Variants in RCAN2 observed in about 807,000 individuals in gnomAD.
RCAN2 encodes regulator of calcineurin 2.
RCAN2 carries 9 observed loss-of-function variants against 23.6 expected under a neutral mutation model. The observed-to-expected ratio is 0.38, with a 90% CI of 0.23 to 0.67. RCAN2 has a LOEUF of 0.67. RCAN2 is among the 30% of genes least tolerant of loss of function. RCAN2 has a pLI of 0.51. For synonymous variants in RCAN2, 109 were observed against 115.7 expected (o/e 0.94, Z 0.37); for missense variants, 273 against 302.3 (o/e 0.90, Z 0.72).
At chr6:46,379,290 G>C (rs1323771617) in intron 2 of RCAN2, among the ~76,000 whole-genome samples, 1 of 152,118 alleles carries the variant, frequency 6.6e-6, no homozygotes, top group Non-Finnish European at 1.5e-5. Context: ...TCACTCTGTG[G>C]ACATGAGATG....
chr6:46,240,843 CT>C (rs1218403362), intron 4 of RCAN2, among the ~76,000 whole-genome samples: 1 of 152,068 alleles, frequency 6.6e-6, no homozygotes, highest in African/African-American at 2.4e-5. Context: ...GCAAAATTGC[CT>C]TACTATGTCA....
intron 2 of RCAN2, among the ~76,000 whole-genome samples, chr6:46,378,199 A>G (rs1417714001): frequency 6.6e-6 from 1 of 152,198 alleles, no homozygotes; most frequent in African/African-American, 2.4e-5. Context: ...TTTGTTGGTA[A>G]ATAGTCAAGG....
At chr6:46,486,298 T>C (rs1405620706) in intron 1 of RCAN2, among the ~76,000 whole-genome samples, 2 of 152,156 alleles carry the variant, frequency 1.3e-5, no homozygotes, top group East Asian at 1.9e-4. Flanking sequence ...AAGGATTAAA[T>C]GAGATAACGT....
At chr6:46,452,170 T>C (rs1767900503) in intron 2 of RCAN2, among the ~76,000 whole-genome samples, 1 of 152,176 alleles carries the variant, frequency 6.6e-6, no homozygotes, top group Non-Finnish European at 1.5e-5. Context: ...TAGTGCATAA[T>C]GTTTAAGAAC....
rs140142075 is a variant in RCAN2, at chr6:46,423,222, T to C, written c.225+33530A>G. 6.4e-3 allele frequency among the ~76,000 whole-genome samples: 977 copies of C among 152,264 alleles called. 12 individuals are homozygous for C. Among genetic ancestry groups the C allele is most frequent in the African/African-American group, 0.023 (949 of 41,530 alleles). ...GCCTAAGAAAGGACTCTTAAGATAA[T>C]TTGCCTTCTTATTTCCAAATGAGGA... On this transcript the variant is annotated intron_variant, in intron 2 of 4. Coordinates refer to ENST00000371374, the MANE Select transcript of RCAN2 (RefSeq NM_001251974.2).
intron 2 of RCAN2, among the ~76,000 whole-genome samples, chr6:46,289,557 C>A (rs556751142): frequency 6.6e-6 from 1 of 152,140 alleles, no homozygotes; most frequent in Non-Finnish European, 1.5e-5. Context: ...ATGGGTATCA[C>A]GCAGATACTT....
intron 2 of RCAN2, among the ~76,000 whole-genome samples, chr6:46,346,851 TTTTA>T (rs917978208): frequency 2.0e-5 from 3 of 151,630 alleles, no homozygotes; most frequent in Non-Finnish European, 2.9e-5. Context: ...GTTTTTAAAT[TTTTA>T]TTTATTTATT....
At chr6:46,274,685 C>T (rs1200494763) in intron 2 of RCAN2, among the ~76,000 whole-genome samples, 1 of 152,222 alleles carries the variant, frequency 6.6e-6, no homozygotes, top group Non-Finnish European at 1.5e-5. Flanking sequence ...CAGAATCCCT[C>T]TCCCATGTCC....
At chr6:46,236,915 T>A (rs531783774) in intron 4 of RCAN2, among the ~76,000 whole-genome samples, 2 of 152,344 alleles carry the variant, frequency 1.3e-5, no homozygotes, top group South Asian at 4.1e-4. Flanking sequence ...ATGAAATAGA[T>A]CTTTAATTAT....
intron 2 of RCAN2, among the ~76,000 whole-genome samples, chr6:46,390,946 C>CA (rs1765914719): frequency 6.6e-6 from 1 of 152,090 alleles, no homozygotes; most frequent in South Asian, 2.1e-4. Flanking sequence ...AAATGAGTGG[C>CA]AGGGGGGACC....
chr6:46,457,238 T>C (rs1364776794), intron 1 of RCAN2, among the ~76,000 whole-genome samples: 1 of 152,106 alleles, frequency 6.6e-6, no homozygotes, highest in Non-Finnish European at 1.5e-5. Flanking sequence ...AACAAATAGG[T>C]ATAGGAAATG....
intron 2 of RCAN2, among the ~76,000 whole-genome samples, chr6:46,437,153 T>G (rs1051162668): frequency 1.3e-5 from 2 of 152,234 alleles, no homozygotes; most frequent in African/African-American, 4.8e-5. Context: ...TGATCCTATT[T>G]GGGTGTATGC....
chr6:46,223,039 A>G lies in RCAN2; in HGVS notation c.*102T>C. ...TGATAACAAGGAAGGAATCTCAAAC[A>G]ACCAAACACCCAGGAATTTAAAGGC... On this transcript the variant is annotated 3_prime_UTR_variant, in exon 5 of 5. Coordinates refer to ENST00000371374, the MANE Select transcript of RCAN2 (RefSeq NM_001251974.2). 2.3e-6 allele frequency: 3 copies of G among 1,281,626 alleles called. No homozygotes were observed. The East Asian group carries it at 7.0e-5, about 30-fold the overall frequency. The allele number at this position is 1,281,626 out of a possible 1,614,324, so 79.4% of individuals were successfully genotyped here. A position where few individuals can be genotyped will look rare whatever the true frequency, so the allele number is the denominator to read the frequency against.
At position 46,401,377 on chromosome 6, in the gene RCAN2, C is replaced by T. The variant is rs1367375165; in HGVS notation, c.225+55375G>A. 2.0e-5 allele frequency among the ~76,000 whole-genome samples: 3 copies of T among 152,190 alleles called. No homozygotes were observed. In the East Asian group the frequency reaches 5.8e-4, roughly 29 times the overall value. On this transcript the variant is annotated intron_variant, in intron 2 of 4. Transcript: ENST00000371374. ...GTCAGGGCCCACAAGGGTCCCCCTACAGTTTGAACATGGGGGAGACAGTAG... is the reference window on the plus strand; with the variant it reads ...GTCAGGGCCCACAAGGGTCCCCCTATAGTTTGAACATGGGGGAGACAGTAG...
intron 2 of RCAN2, among the ~76,000 whole-genome samples, chr6:46,424,943 A>C (rs1322002938): frequency 1.3e-5 from 2 of 152,218 alleles, no homozygotes; most frequent in African/African-American, 4.8e-5. Context: ...CAAAGCAGTC[A>C]AAAAGCCCTT....
At chr6:46,352,624 T>C (rs1220123425) in intron 2 of RCAN2, among the ~76,000 whole-genome samples, 1 of 152,186 alleles carries the variant, frequency 6.6e-6, no homozygotes, top group Non-Finnish European at 1.5e-5. Flanking sequence ...AAGAATATTT[T>C]CAAAACTGAC....
At chr6:46,243,442 T>C (rs536495002) in intron 4 of RCAN2, among the ~76,000 whole-genome samples, 2 of 152,300 alleles carry the variant, frequency 1.3e-5, no homozygotes, top group African/African-American at 4.8e-5. Flanking sequence ...TTGTACCAAA[T>C]GCACAAGTCT....
chr6:46,359,357 G>A (rs909705401), intron 2 of RCAN2, among the ~76,000 whole-genome samples: 9 of 152,196 alleles, frequency 5.9e-5, no homozygotes, highest in African/African-American at 2.2e-4. Context: ...CAGGGACTGG[G>A]CTCTAAAACG....
chr6:46,372,706 C>A (rs1765354685), intron 2 of RCAN2, among the ~76,000 whole-genome samples: 1 of 152,190 alleles, frequency 6.6e-6, no homozygotes. Context: ...AAAAATGATG[C>A]AAAGGATTTG....
Sources: gnomAD v4.1 joint callset for allele counts (sites outside exome capture counted in the v4.1 genomes callset) on GRCh38, gnomAD v4.1.1 for gene constraint, MANE v1.5 for transcripts, NCBI Gene and HGNC (gene_info 2026-07-23, HGNC 2026-07-21) for gene names.